The following TNS1 variants were observed in gnomAD, a reference collection of about 807,000 sequenced individuals.
The protein encoded by TNS1 is tensin 1.
TNS1 carries 62 observed loss-of-function variants against 168.6 expected under a neutral mutation model. The ratio of observed to expected loss-of-function variants is 0.37; its 90% CI spans 0.30 to 0.45. The LOEUF (loss-of-function observed/expected upper bound fraction) is 0.45. Ranked by LOEUF, TNS1 falls within the 20% of genes least tolerant of loss-of-function variation. The pLI, the probability that TNS1 is intolerant of heterozygous loss-of-function variation, is 1.00. For missense variants in TNS1, 2,240 were observed against 2,339.4 expected (o/e 0.96, Z 0.88); for synonymous variants, 934 against 933.2 (o/e 1.00, Z -0.02).
intron 4 of TNS1, among the ~76,000 whole-genome samples, chr2:217,919,272 A>G (rs1247150260): frequency 6.6e-6 from 1 of 152,224 alleles, no homozygotes; most frequent in Non-Finnish European, 1.5e-5. Context: ...TGGGCTGAGC[A>G]AGTCACAACA....
At chr2:217,984,749 TC>T (rs72489090) in intron 2 of TNS1, among the ~76,000 whole-genome samples, 2 of 143,434 alleles carry the variant, frequency 1.4e-5, no homozygotes, top group Non-Finnish European at 3.0e-5. Context: ...CACCTCAGCC[TC>T]TTTTTTTTTT....
intron 1 of TNS1, among the ~76,000 whole-genome samples, chr2:218,031,550 A>C (rs185448966): frequency 9.2e-4 from 124 of 135,154 alleles, no homozygotes; most frequent in African/African-American, 4.3e-3. Flanking sequence ...TGTGTGTATG[A>C]GTGTATGTGT....
At chr2:217,959,440 A>G (rs1371144315) in intron 3 of TNS1, among the ~76,000 whole-genome samples, 5 of 151,036 alleles carry the variant, frequency 3.3e-5, no homozygotes. Context: ...TTAGCATGGA[A>G]CCTGGTATCT....
intron 1 of TNS1, among the ~76,000 whole-genome samples, chr2:218,020,490 C>A (rs1958797997): frequency 2.7e-5 from 4 of 148,546 alleles, no homozygotes; most frequent in African/African-American, 1.0e-4. Flanking sequence ...GAACGCTGAC[C>A]CCTGAGCTGC....
At chr2:218,007,765 T>A (rs1166521846), upstream of TNS1, among the ~76,000 whole-genome samples, 1 of 152,090 alleles carries the variant, frequency 6.6e-6, no homozygotes, top group Non-Finnish European at 1.5e-5. Context: ...TGCCTCACCC[T>A]ACCCCTCACC....
chr2:217,825,722 T>C, intron 22 of TNS1, among the ~76,000 whole-genome samples: 1 of 152,214 alleles, frequency 6.6e-6, no homozygotes, highest in Non-Finnish European at 1.5e-5. Context: ...TAACTGCTTC[T>C]GGCCTAAACA....
upstream of TNS1, among the ~76,000 whole-genome samples, chr2:218,005,229 C>A (rs1200486867): frequency 6.6e-6 from 1 of 152,240 alleles, no homozygotes; most frequent in African/African-American, 2.4e-5. Context: ...TGAGAAGTCA[C>A]CTTGGGGCTT....
At chr2:217,882,224 T>C in intron 17 of TNS1, 122 bp downstream of exon 17, 1 of 675,790 alleles carries the variant, frequency 1.5e-6, no homozygotes, top group Non-Finnish European at 2.6e-6. Context: ...GATCCTTTAC[T>C]GATGGCCTGC....
chr2:217,973,412 A>G (rs1957819004), intron 3 of TNS1, among the ~76,000 whole-genome samples: 1 of 151,034 alleles, frequency 6.6e-6, no homozygotes, highest in Non-Finnish European at 1.5e-5. Flanking sequence ...GTCCTGGGCC[A>G]TTCATTTTAA....
rs376966003 is a variant in TNS1 at position 217,903,479 on chromosome 2, G to A, written c.321+2856C>T. On this transcript the variant is annotated intron_variant, in intron 6 of 32. Coordinates refer to ENST00000682258, the MANE Select transcript of TNS1 (RefSeq NM_001387777.1). Reference sequence around the variant, plus strand: ...GTAATCCTATTCTTTTCCTCTCCGGGGATCACAAATCACCTTACCCAAATG... The same window carrying A: ...GTAATCCTATTCTTTTCCTCTCCGGAGATCACAAATCACCTTACCCAAATG... 51 of 1,288,620 alleles carry A rather than the reference G, an allele frequency of 4.0e-5. No homozygotes were observed. The African/African-American group carries it at 6.7e-4, about 17-fold the overall frequency. 79.8% of individuals were successfully genotyped at this position (1,288,620 alleles called of 1,614,324 possible).
chr2:217,930,337 G>A (rs973287021), intron 3 of TNS1, among the ~76,000 whole-genome samples: 5 of 152,040 alleles, frequency 3.3e-5, no homozygotes, highest in African/African-American at 7.2e-5. Flanking sequence ...TTTCCCAGTC[G>A]GGGGTCACAG....
intron 23 of TNS1, 97 bp from the exon 24 acceptor site, chr2:217,818,856 A>G: frequency 1.0e-6 from 1 of 976,218 alleles, no homozygotes; most frequent in Admixed American, 2.3e-5. Context: ...CATGAACAAC[A>G]GTAAGAATGG....
At chr2:217,852,420 TC>T in intron 18 of TNS1, among the ~76,000 whole-genome samples, 1 of 152,226 alleles carries the variant, frequency 6.6e-6, no homozygotes, top group South Asian at 2.1e-4. Context: ...TGCCTCCTCA[TC>T]CCCCACGTTC....
intron 8 of TNS1, among the ~76,000 whole-genome samples, chr2:217,896,362 A>G (rs932051662): frequency 1.3e-5 from 2 of 152,240 alleles, no homozygotes; most frequent in Non-Finnish European, 2.9e-5. Context: ...GTAAGTAGTT[A>G]AGGATCTCAA....
At chr2:217,988,885 G>A (rs1958274432) in intron 2 of TNS1, among the ~76,000 whole-genome samples, 1 of 152,120 alleles carries the variant, frequency 6.6e-6, no homozygotes, top group Non-Finnish European at 1.5e-5. Flanking sequence ...CCTTTTGGGG[G>A]GTGTGACCAT....
chr2:217,847,753 C>T lies in TNS1; in HGVS notation c.2764G>A (p.Asp922Asn). ...VPPGRSYSPY[D>N]YQPCLAGPNQ... is the part of the protein sequence containing the mutation. Reference sequence around the variant, plus strand: ...GGCCCAGCCAAACATGGCTGATAGTCATAAGGTGAGTAAGACCTGCCAGGA... The same window carrying T: ...GGCCCAGCCAAACATGGCTGATAGTTATAAGGTGAGTAAGACCTGCCAGGA... Residue 922 changes from aspartate to asparagine, a missense_variant, in exon 19 of 33, where the codon GAC becomes AAC. By Grantham distance (23) the Asp-to-Asn change is conservative. Transcript: ENST00000682258. 6.2e-7 allele frequency: 1 copy of T among 1,608,890 alleles called. No homozygotes were observed. The highest frequency in any genetic ancestry group is 8.5e-7 in the Non-Finnish European group (1 of 1,175,946).
upstream of TNS1, among the ~76,000 whole-genome samples, chr2:218,014,888 G>A (rs1432216597): frequency 7.4e-5 from 11 of 149,496 alleles, no homozygotes; most frequent in African/African-American, 1.7e-4. Flanking sequence ...AGGAAGGAAG[G>A]AAGGAAGGAA....
intron 18 of TNS1, among the ~76,000 whole-genome samples, chr2:217,861,831 T>C (rs1434361981): frequency 6.6e-6 from 1 of 152,040 alleles, no homozygotes; most frequent in East Asian, 1.9e-4. Flanking sequence ...CTTCCCCGTC[T>C]CCCTTCCCTA....
chr2:217,863,255 C>CA (rs1355351537), intron 18 of TNS1, among the ~76,000 whole-genome samples: 1 of 152,034 alleles, frequency 6.6e-6, no homozygotes, highest in Non-Finnish European at 1.5e-5. Context: ...GCAGGTGGGA[C>CA]AGGTGAGATC....
Sources: gnomAD v4.1 joint callset for allele counts (sites outside exome capture counted in the v4.1 genomes callset) on GRCh38, gnomAD v4.1.1 for gene constraint, MANE v1.5 for transcripts, NCBI Gene and HGNC (gene_info 2026-07-23, HGNC 2026-07-21) for gene names.